ATP6V1C2: variants seen among roughly 807,000 people sequenced by gnomAD.
ATP6V1C2 encodes V-type proton ATPase subunit C 2.
Under a neutral mutation model 56.8 loss-of-function variants are expected in ATP6V1C2, and 45 were observed. The observed-to-expected ratio is 0.79, with a 90% CI of 0.62 to 1.02. The LOEUF is 1.02. Ranked by LOEUF, ATP6V1C2 falls within the 50% of genes least tolerant of loss-of-function variation. ATP6V1C2 has a pLI of 0.00. For synonymous variants in ATP6V1C2, 220 were observed against 201.3 expected, an observed-to-expected ratio of 1.09 and a Z score of -0.79; for missense variants, 463 against 519.7, an observed-to-expected ratio of 0.89 and a Z score of 1.06.
chr2:10,740,311 T>C (rs1381948219), intron 3 of ATP6V1C2, among the ~76,000 whole-genome samples: 1 of 152,018 alleles, frequency 6.6e-6, no homozygotes, highest in African/African-American at 2.4e-5. Flanking sequence ...CCAGTGAGAG[T>C]AAACATATTT....
At chr2:10,736,941 G>A (rs1204130843) in intron 3 of ATP6V1C2, among the ~76,000 whole-genome samples, 2 of 151,546 alleles carry the variant, frequency 1.3e-5, no homozygotes, top group Non-Finnish European at 2.9e-5. Flanking sequence ...AGGGACGAGG[G>A]TTTCACTATG....
chr2:10,721,251 G>A (rs949634668), upstream of ATP6V1C2, among the ~76,000 whole-genome samples: 3 of 152,190 alleles, frequency 2.0e-5, no homozygotes, highest in Admixed American at 2.0e-4. Flanking sequence ...GCATGTCTCT[G>A]TGAGGCGAGA....
At chr2:10,768,238 G>A (rs1664356916) in intron 5 of ATP6V1C2, 1 of 155,856 alleles carries the variant, frequency 6.4e-6, no homozygotes, top group South Asian at 2.0e-4. Context: ...CGGCCAGAAA[G>A]CAGGAGGGCG....
In ATP6V1C2 at chr2:10,743,968, C is replaced by T. The variant is rs1309496269; in HGVS notation, c.198-10013C>T. 7.4e-5 allele frequency among the ~76,000 whole-genome samples: 10 copies of T among 134,486 alleles called. No homozygotes were observed. The East Asian group carries it at 1.9e-3, about 25-fold the overall frequency. The allele number at this position is 134,486 out of a possible 152,430, so 88.2% of individuals were successfully genotyped here. A position where few individuals can be genotyped will look rare whatever the true frequency, so the allele number is the denominator to read the frequency against. On this transcript the variant is annotated intron_variant, in intron 3 of 13. Coordinates refer to ENST00000272238, the MANE Select transcript of ATP6V1C2 (RefSeq NM_001039362.2). ...CACTGCACCCTAGCCTGGGCAACAGCGAGATTCAGTCTCAAAAAAAAAAAA... is the reference window on the plus strand; with the variant it reads ...CACTGCACCCTAGCCTGGGCAACAGTGAGATTCAGTCTCAAAAAAAAAAAA...
chr2:10,783,504 A>G lies in ATP6V1C2; in HGVS notation c.*241A>G. ...TGAATGTTTTACATAAATGCGAACT[A>G]CCTGTTCGCATTGGTAACCTGCTGC... On this transcript the variant is annotated 3_prime_UTR_variant, in exon 14 of 14. Transcript: ENST00000272238. 1 of 401,834 alleles carries G rather than the reference A, an allele frequency of 2.5e-6. No homozygotes were observed. Among genetic ancestry groups the G allele is most frequent in the South Asian group, 2.8e-5 (1 of 36,058 alleles). 24.9% of individuals were successfully genotyped at this position (401,834 alleles called of 1,614,324 possible). A position where few individuals can be genotyped will look rare whatever the true frequency, so the allele number is the denominator to read the frequency against.
intron 3 of ATP6V1C2, among the ~76,000 whole-genome samples, chr2:10,749,091 T>C (rs977547377): frequency 7.0e-6 from 1 of 142,094 alleles, no homozygotes; most frequent in African/African-American, 2.6e-5. Context: ...GATCACACCA[T>C]TGTATTCCCG....
rs1221439437 is a variant in ATP6V1C2 at position 10,777,610 on chromosome 2, AG to A, written c.854del (p.Gly285AspfsTer12). On this transcript the variant is annotated frameshift_variant, in exon 11 of 14. Transcript: ENST00000272238. LOFTEE classifies it high-confidence loss of function. ...QYQTSCVALK[K>X]GSSTFPDHKV... is the part of the protein sequence containing the mutation. Reference sequence around the variant, plus strand: ...CAAACTTCCTGTGTTGCTCTTAAAAAGGGATCATCCACCTTCCCGGACCACA... The same window carrying A: ...CAAACTTCCTGTGTTGCTCTTAAAAAGGATCATCCACCTTCCCGGACCACA... 6.2e-7 allele frequency: 1 copy of A among 1,613,848 alleles called. No individual in the cohort carries two copies.
chr2:10,722,649 CG>C (rs1661431402), intron 1 of ATP6V1C2, 174 bp from the exon 2 acceptor site: 1 of 623,298 alleles, frequency 1.6e-6, no homozygotes, highest in African/African-American at 1.9e-5. Context: ...TTTGGAGTTT[CG>C]GGAACACCTG....
chr2:10,741,544 T>C (rs1256680009), intron 3 of ATP6V1C2, among the ~76,000 whole-genome samples: 1 of 152,134 alleles, frequency 6.6e-6, no homozygotes, highest in Admixed American at 6.5e-5. Flanking sequence ...ATCAAGGTAC[T>C]CTGACAGTGG....
Position 10,784,897 on chromosome 2 carries a change from G to A in ATP6V1C2, c.*1634G>A, listed in dbSNP as rs749348438. On this transcript the variant is annotated 3_prime_UTR_variant, in exon 14 of 14. Transcript: ENST00000272238. ...GCACAGGCTCAAGAGAGTAAACCAG[G>A]ACTGCTGCCCGCACAGCTTCCCTCC... 9.2e-6 allele frequency: 13 copies of A among 1,406,752 alleles called. No individual in the cohort carries two copies. In the African/African-American group the frequency reaches 1.6e-4, roughly 17 times the overall value. The allele number at this position is 1,406,752 out of a possible 1,614,324, so 87.1% of individuals were successfully genotyped here.
chr2:10,756,721 A>G (rs997994768), intron 4 of ATP6V1C2, among the ~76,000 whole-genome samples: 4 of 152,294 alleles, frequency 2.6e-5, no homozygotes, highest in Non-Finnish European at 4.4e-5. Flanking sequence ...CTGTCTCAAA[A>G]AAAGAAAGAA....
chr2:10,756,546 T>C (rs1398853194), intron 4 of ATP6V1C2, among the ~76,000 whole-genome samples: 1 of 151,912 alleles, frequency 6.6e-6, no homozygotes, highest in African/African-American at 2.4e-5. Flanking sequence ...GGTGAAATAC[T>C]GTCTCTACTA....
intron 3 of ATP6V1C2, among the ~76,000 whole-genome samples, chr2:10,737,438 AAAG>A (rs1662316525): frequency 1.3e-5 from 2 of 151,878 alleles, no homozygotes; most frequent in Non-Finnish European, 2.9e-5. Context: ...AAAAAAGGAA[AAAG>A]AAAGAAAATG....
intron 2 of ATP6V1C2, 38 bp downstream of exon 2, chr2:10,723,016 G>A: frequency 6.2e-7 from 1 of 1,611,448 alleles, no homozygotes. Flanking sequence ...GGGATGGATT[G>A]GTCAGGGGGA....
intron 4 of ATP6V1C2, among the ~76,000 whole-genome samples, chr2:10,759,279 A>C (rs534443650): frequency 6.6e-6 from 1 of 152,320 alleles, no homozygotes; most frequent in Admixed American, 6.5e-5. Flanking sequence ...AGCTGGGAGC[A>C]GGAAGGACAC....
chr2:10,775,560 C>A (rs144372064), intron 10 of ATP6V1C2, among the ~76,000 whole-genome samples: 2 of 152,174 alleles, frequency 1.3e-5, no homozygotes, highest in African/African-American at 4.8e-5. Context: ...ATTTACCTCC[C>A]GTGTCCTTAG....
intron 3 of ATP6V1C2, among the ~76,000 whole-genome samples, chr2:10,732,536 G>A (rs1253336008): frequency 6.6e-6 from 1 of 152,098 alleles, no homozygotes; most frequent in Non-Finnish European, 1.5e-5. Context: ...TTGGGGTTAC[G>A]GGCGTGAGCC....
chr2:10,747,312 T>C (rs1662973121), intron 3 of ATP6V1C2, among the ~76,000 whole-genome samples: 1 of 152,190 alleles, frequency 6.6e-6, no homozygotes, highest in African/African-American at 2.4e-5. Flanking sequence ...ATACTTTTCA[T>C]ATACTTTTAC....
At chr2:10,736,590 A>G (rs1243168567) in intron 3 of ATP6V1C2, among the ~76,000 whole-genome samples, 2 of 152,026 alleles carry the variant, frequency 1.3e-5, no homozygotes, top group African/African-American at 2.4e-5. Flanking sequence ...CTGATTTCTA[A>G]TAGTTTAACT....
Sources: gnomAD v4.1 joint callset for allele counts (sites outside exome capture counted in the v4.1 genomes callset) on GRCh38, gnomAD v4.1.1 for gene constraint, MANE v1.5 for transcripts, NCBI Gene and HGNC (gene_info 2026-07-23, HGNC 2026-07-21) for gene names.